CFAP161: variants seen among roughly 807,000 people sequenced by gnomAD.
The protein encoded by CFAP161 is cilia and flagella associated protein 161.
CFAP161 carries 25 observed loss-of-function variants against 29.0 expected under a neutral mutation model. That is an observed-to-expected ratio of 0.86 (90% CI 0.63 to 1.20). The LOEUF (loss-of-function observed/expected upper bound fraction) is 1.20. Ranked by LOEUF, CFAP161 falls within the 50% of genes most tolerant of loss-of-function variation. CFAP161 has a pLI of 0.00. For synonymous variants in CFAP161, 116 were observed against 137.4 expected (o/e 0.84, Z 1.09); for missense variants, 367 against 371.9 (o/e 0.99, Z 0.11).
chr15:81,140,731 T>A (rs752049756), intron 4 of CFAP161, among the ~76,000 whole-genome samples: 1 of 151,858 alleles, frequency 6.6e-6, no homozygotes, highest in Admixed American at 6.6e-5. Context: ...GCTAAGTTTT[T>A]AAAATTTATT....
At chr15:81,116,384 C>G (rs544724042) in intron 1 of CFAP161, among the ~76,000 whole-genome samples, 2 of 152,364 alleles carry the variant, frequency 1.3e-5, no homozygotes, top group Admixed American at 6.5e-5. Context: ...GCCTCCGCCT[C>G]CTGGGTTCAA....
At chr15:81,100,705 T>TAC (rs200980420) in intron 1 of CFAP161, among the ~76,000 whole-genome samples, 1 of 30,942 alleles carries the variant, frequency 3.2e-5, no homozygotes, top group Non-Finnish European at 1.2e-4. Context: ...TCTCTCTCTC[T>TAC]TTTTTTTTTT....
chr15:81,127,003 G>A (rs141891151), intron 1 of CFAP161, among the ~76,000 whole-genome samples: 43 of 152,218 alleles, frequency 2.8e-4, no homozygotes, highest in African/African-American at 9.9e-4. Flanking sequence ...AAGACCGTTC[G>A]AACTCTGAAT....
At chr15:81,119,682 A>T (rs1375405164) in intron 1 of CFAP161, among the ~76,000 whole-genome samples, 1 of 152,106 alleles carries the variant, frequency 6.6e-6, no homozygotes, top group East Asian at 1.9e-4. Flanking sequence ...AATCCCAGTT[A>T]ATTTTAGGTC....
At chr15:81,117,410 T>C (rs1894512460) in intron 1 of CFAP161, among the ~76,000 whole-genome samples, 1 of 152,080 alleles carries the variant, frequency 6.6e-6, no homozygotes, top group Admixed American at 6.5e-5. Flanking sequence ...ATGCTTACAA[T>C]TTTGTTGGGG....
At chr15:81,124,096 A>G (rs1004697826) in intron 1 of CFAP161, among the ~76,000 whole-genome samples, 2 of 152,078 alleles carry the variant, frequency 1.3e-5, no homozygotes, top group South Asian at 2.1e-4. Flanking sequence ...GTGGTGAGAG[A>G]GGATATCCTT....
rs1221309168 is a variant in CFAP161, at chr15:81,149,139, T to A, written c.*606T>A. 6.6e-6 allele frequency: 1 copy of A among 152,286 alleles called. No homozygotes were observed. Among genetic ancestry groups the A allele is most frequent in the African/African-American group, 2.4e-5 (1 of 41,462 alleles). The allele number at this position is 152,286 out of a possible 1,614,324, so 9.4% of individuals were successfully genotyped here. A position where few individuals can be genotyped will look rare whatever the true frequency, so the allele number is the denominator to read the frequency against. ...ACATTAGTTGTGGCACCCATGTGAT[T>A]AGATAGTTCCTGACAAAATAAATGT... On this transcript the variant is annotated 3_prime_UTR_variant, in exon 7 of 7. Coordinates refer to ENST00000286732, the MANE Select transcript of CFAP161 (RefSeq NM_173528.4).
intron 2 of CFAP161, among the ~76,000 whole-genome samples, chr15:81,128,943 G>A (rs1252428872): frequency 7.0e-6 from 1 of 143,536 alleles, no homozygotes; most frequent in Non-Finnish European, 1.5e-5. Context: ...AACACAGCAG[G>A]ACTCTGTCTC....
At chr15:81,138,418 C>T (rs1894849651) in intron 4 of CFAP161, among the ~76,000 whole-genome samples, 1 of 152,224 alleles carries the variant, frequency 6.6e-6, no homozygotes, top group Non-Finnish European at 1.5e-5. Flanking sequence ...TATACCACTT[C>T]CACCTGTAAA....
chr15:81,117,195 T>C (rs1894509144), intron 1 of CFAP161, among the ~76,000 whole-genome samples: 1 of 148,914 alleles, frequency 6.7e-6, no homozygotes, highest in Admixed American at 6.8e-5. Context: ...TGTTTCCAAT[T>C]GTATCATACT....
At position 81,143,650 on chromosome 15, in the gene CFAP161, T is replaced by C. The variant is rs199710177; in HGVS notation, c.478-12T>C. 2 of 1,606,650 alleles carry C rather than the reference T, an allele frequency of 1.2e-6. No individual in the cohort carries two copies. Among genetic ancestry groups the C allele is most frequent in the East Asian group, 2.2e-5 (1 of 44,680 alleles). Reference sequence around the variant, plus strand: ...GCTCTGACTTAGTGCATCTGCTTGCTGTCATTTTCAGTTGTATTTGTCAAG... The same window carrying C: ...GCTCTGACTTAGTGCATCTGCTTGCCGTCATTTTCAGTTGTATTTGTCAAG... On this transcript the variant is annotated splice_polypyrimidine_tract_variant and intron_variant, in intron 4 of 6. Transcript: ENST00000286732.
Position 81,134,344 on chromosome 15 carries a change from G to T in CFAP161, c.15G>T (p.Val5=). The change falls in exon 1 of 7, where the codon GTG becomes GTT. Residue 5 remains valine (V), a synonymous_variant. Transcript: ENST00000286732. The part of the protein sequence containing the change: MAQN[V]YGPGVRIGNW... ...AGCAGGGAGCGATGGCGCAGAACGTGTATGGTCCGGGAGTCCGGATAGGCA... is the reference window on the plus strand; with the variant it reads ...AGCAGGGAGCGATGGCGCAGAACGTTTATGGTCCGGGAGTCCGGATAGGCA... The T allele has an allele frequency of 6.3e-7, 1 of 1,590,148 alleles. No individual in the cohort carries two copies. Among genetic ancestry groups the T allele is most frequent in the Non-Finnish European group, 8.6e-7 (1 of 1,169,294 alleles).
At chr15:81,112,346 T>G (rs1249769882) in intron 1 of CFAP161, among the ~76,000 whole-genome samples, 1 of 152,196 alleles carries the variant, frequency 6.6e-6, no homozygotes, top group Non-Finnish European at 1.5e-5. Context: ...CTAAAAATGA[T>G]TATTCCCAAG....
At chr15:81,115,437 T>C (rs1595910304) in intron 1 of CFAP161, among the ~76,000 whole-genome samples, 1 of 152,246 alleles carries the variant, frequency 6.6e-6, no homozygotes, top group East Asian at 1.9e-4. Context: ...CAAAACCCTT[T>C]TAGCTACATT....
At chr15:81,099,878 A>G (rs1894282548) in intron 1 of CFAP161, among the ~76,000 whole-genome samples, 1 of 152,164 alleles carries the variant, frequency 6.6e-6, no homozygotes, top group South Asian at 2.1e-4. Flanking sequence ...TTCCTCTCCT[A>G]CTATCTTCCT....
intron 1 of CFAP161, among the ~76,000 whole-genome samples, chr15:81,105,238 TTCTC>T (rs1194889726): frequency 2.9e-5 from 3 of 103,604 alleles, no homozygotes; most frequent in African/African-American, 1.2e-4. Flanking sequence ...CCCTCTTTCT[TTCTC>T]TCTCTCTCTC....
intron 4 of CFAP161, among the ~76,000 whole-genome samples, chr15:81,143,396 G>A (rs910165314): frequency 6.6e-6 from 1 of 152,170 alleles, no homozygotes; most frequent in Non-Finnish European, 1.5e-5. Context: ...GTAGGAAGGA[G>A]AGAGGAAGAT....
At position 81,147,233 on chromosome 15, in the gene CFAP161, C is replaced by A. The variant is rs186593882; in HGVS notation, c.637-625C>A. ...AACTCAAAAGAACGCAACTGCTTGC[C>A]TCTTTTATTTACCCTCCTTTTTTGG... On this transcript the variant is annotated intron_variant, in intron 5 of 6. Coordinates refer to ENST00000286732, the MANE Select transcript of CFAP161 (RefSeq NM_173528.4). Among the ~76,000 whole-genome samples, 12 of 152,118 alleles carry A rather than the reference C, an allele frequency of 7.9e-5. No individual in the cohort carries two copies. In the East Asian group the frequency reaches 2.3e-3, roughly 29 times the overall value.
chr15:81,140,141 A>G (rs1423143346), intron 4 of CFAP161, among the ~76,000 whole-genome samples: 2 of 151,920 alleles, frequency 1.3e-5, no homozygotes, highest in Admixed American at 6.6e-5. Flanking sequence ...TGATTACTAA[A>G]TTTTGTCATA....
Sources: allele counts gnomAD v4.1 joint callset (sites outside exome capture counted in the v4.1 genomes callset), GRCh38; gene constraint gnomAD v4.1.1; transcripts MANE v1.5; gene names NCBI Gene and HGNC (gene_info 2026-07-23, HGNC 2026-07-21).